Variants in ATPSCKMT observed in about 807,000 individuals in gnomAD.
The protein encoded by ATPSCKMT is ATP synthase c subunit lysine N-methyltransferase.
In ATPSCKMT, 24 loss-of-function variants were observed where a neutral mutation model predicts 24.3. That is an observed-to-expected ratio of 0.99 (90% CI 0.71 to 1.39). The LOEUF (loss-of-function observed/expected upper bound fraction) is 1.39. Among genes scored for constraint, ATPSCKMT ranks in the 40% most tolerant of loss-of-function variants. The pLI, the probability that ATPSCKMT is intolerant of heterozygous loss-of-function variation, is 0.00. For synonymous variants in ATPSCKMT, 95 were observed against 110.5 expected (o/e 0.86, Z 0.88); for missense variants, 311 against 298.4 (o/e 1.04, Z -0.31).
intron 4 of ATPSCKMT, among the ~76,000 whole-genome samples, chr5:10,228,964 T>C (rs937969279): frequency 1.3e-5 from 2 of 152,174 alleles, no homozygotes; most frequent in Non-Finnish European, 2.9e-5. Context: ...TTTGTCACAT[T>C]TGTTCTCTTC....
Position 10,227,081 on chromosome 5 carries a change from T to C in ATPSCKMT, c.*360A>G, listed in dbSNP as rs556160002. On this transcript the variant is annotated 3_prime_UTR_variant, in exon 5 of 5. Coordinates refer to ENST00000511437, the MANE Select transcript of ATPSCKMT (RefSeq NM_199133.4). ...ATAGGATACTACAAACAGTTGGTAATATATACTGTCTTTAAAAATCATTTC... is the reference window on the plus strand; with the variant it reads ...ATAGGATACTACAAACAGTTGGTAACATATACTGTCTTTAAAAATCATTTC... 8.3e-6 allele frequency: 2 copies of C among 242,014 alleles called. No individual in the cohort carries two copies. Among genetic ancestry groups the C allele is most frequent in the South Asian group, 1.1e-4 (2 of 18,552 alleles). 15.0% of individuals were successfully genotyped at this position (242,014 alleles called of 1,614,324 possible). A position where few individuals can be genotyped will look rare whatever the true frequency, so the allele number is the denominator to read the frequency against.
rs372557557 is a variant in ATPSCKMT at position 10,236,559 on chromosome 5, C to A, written c.363G>T (p.Trp121Cys). The A allele has an allele frequency of 1.2e-6, 2 of 1,614,066 alleles. No homozygotes were observed. The highest frequency in any genetic ancestry group is 1.3e-5 in the African/African-American group (1 of 74,932). The change falls in exon 3 of 5, where the codon TGG becomes TGT. Residue 121 changes from tryptophan to cysteine, a missense_variant. Trp to Cys is a radical substitution (Grantham distance 215). Coordinates refer to ENST00000511437, the MANE Select transcript of ATPSCKMT (RefSeq NM_199133.4). ...FTAVGYELNP[W>C]LVWYSRYRAW... is the part of the protein sequence containing the mutation. ...CGCGGTATCTGGAATACCAAACTAG[C>A]CATGGGTTTAATTCATAACCAACTG...
chr5:10,247,837 TTAG>T lies in ATPSCKMT; in HGVS notation c.16+2018_16+2020del, dbSNP rs1408500315. Among the ~76,000 whole-genome samples the T allele has an allele frequency of 3.3e-5, 5 of 152,340 alleles. No individual in the cohort carries two copies. The East Asian group carries it at 7.7e-4, about 23-fold the overall frequency. On this transcript the variant is annotated intron_variant, in intron 1 of 4. Coordinates refer to ENST00000511437, the MANE Select transcript of ATPSCKMT (RefSeq NM_199133.4). ...GCCACTGGCTACTTTCATTGAGCAC[TTAG>T]TAGTCCATCCTTTAAAGTCAAACAC...
intron 4 of ATPSCKMT, among the ~76,000 whole-genome samples, chr5:10,228,081 G>T (rs557286748): frequency 5.1e-4 from 78 of 152,326 alleles, no homozygotes; most frequent in Non-Finnish European, 8.8e-4. Flanking sequence ...CTGGGCTCAA[G>T]CAATCTGCCC....
intron 1 of ATPSCKMT, among the ~76,000 whole-genome samples, chr5:10,244,924 A>C (rs1012695358): frequency 2.0e-5 from 3 of 147,564 alleles, no homozygotes; most frequent in African/African-American, 7.4e-5. Flanking sequence ...AAAAAAAAAA[A>C]GAAAAGTCAA....
intron 4 of ATPSCKMT, among the ~76,000 whole-genome samples, chr5:10,228,379 C>T (rs1308887747): frequency 2.6e-5 from 4 of 152,152 alleles, no homozygotes; most frequent in Middle Eastern, 3.2e-3. Flanking sequence ...CCATAATATA[C>T]TGATAATGAA....
chr5:10,237,758 T>C (rs1744439591), intron 2 of ATPSCKMT, among the ~76,000 whole-genome samples: 3 of 151,904 alleles, frequency 2.0e-5, no homozygotes, highest in Non-Finnish European at 4.4e-5. Flanking sequence ...ATATTTCTTT[T>C]TTTTTTGAGA....
chr5:10,235,402 C>G (rs968800077), intron 3 of ATPSCKMT, 141 bp from the exon 4 acceptor site: 1 of 668,632 alleles, frequency 1.5e-6, no homozygotes, highest in Non-Finnish European at 2.7e-6. Flanking sequence ...AGCGGCCCTC[C>G]TTAAGATTTC....
rs1743920360 is a variant in ATPSCKMT, at chr5:10,227,265, C to T, written c.*176G>A. ...ATTTTTAAGAAAATAGCATCAAAAG[C>T]AGATTTTAAATCTACCTGTTTTTCT... On this transcript the variant is annotated 3_prime_UTR_variant, in exon 5 of 5. Transcript: ENST00000511437. 1 of 664,864 alleles carries T rather than the reference C, an allele frequency of 1.5e-6. No individual in the cohort carries two copies. Among genetic ancestry groups the T allele is most frequent in the Non-Finnish European group, 2.5e-6 (1 of 401,884 alleles). 41.2% of individuals were successfully genotyped at this position (664,864 alleles called of 1,614,324 possible). A position where few individuals can be genotyped will look rare whatever the true frequency, so the allele number is the denominator to read the frequency against.
chr5:10,235,239 T>C lies in ATPSCKMT; in HGVS notation c.467A>G (p.Asn156Ser). 1.9e-6 allele frequency: 3 copies of C among 1,613,580 alleles called. No individual in the cohort carries two copies. The highest frequency in any genetic ancestry group is 1.7e-6 in the Non-Finnish European group (2 of 1,179,692). ...LWKVTFSQYS[N>S]VVIFGVPQMM... is the part of the protein sequence containing the mutation. ...CTGAGGCACACCGAAAATAACAACGTTCGAGTACTGCGAAAAAGTAACCTG... is the reference window on the plus strand; with the variant it reads ...CTGAGGCACACCGAAAATAACAACGCTCGAGTACTGCGAAAAAGTAACCTG... The change falls in exon 4 of 5, where the codon AAC becomes AGC. Residue 156 changes from asparagine (N) to serine (S), a missense_variant. Asn to Ser is a conservative substitution (Grantham distance 46). Transcript: ENST00000511437.
At chr5:10,236,375 A>T in intron 3 of ATPSCKMT, 103 bp downstream of exon 3, 1 of 1,329,490 alleles carries the variant, frequency 7.5e-7, no homozygotes, top group Non-Finnish European at 1.0e-6. Flanking sequence ...CTTGGATTTT[A>T]ATTATTTTTC....
At chr5:10,230,673 A>T (rs1744088731) in intron 4 of ATPSCKMT, among the ~76,000 whole-genome samples, 1 of 152,160 alleles carries the variant, frequency 6.6e-6, no homozygotes, top group South Asian at 2.1e-4. Flanking sequence ...AATTACATCT[A>T]CAAAACTTTA....
rs771592677 is a variant in ATPSCKMT, at chr5:10,236,462, T to C, written c.444+16A>G. 4 of 1,611,848 alleles carry C rather than the reference T, an allele frequency of 2.5e-6. No individual in the cohort carries two copies. The South Asian group carries it at 4.4e-5, about 18-fold the overall frequency. On this transcript the variant is annotated intron_variant, in intron 3 of 4. Coordinates refer to ENST00000511437, the MANE Select transcript of ATPSCKMT (RefSeq NM_199133.4). Reference sequence around the variant, plus strand: ...TTCCCTTGGATTTCTCTAGGGCCATTCTCTGCCTTACATACCTTCCACAAA... The same window carrying C: ...TTCCCTTGGATTTCTCTAGGGCCATCCTCTGCCTTACATACCTTCCACAAA...
intron 3 of ATPSCKMT, 48 bp downstream of exon 3, chr5:10,236,430 T>C: frequency 3.8e-6 from 6 of 1,575,368 alleles, no homozygotes; most frequent in Non-Finnish European, 5.2e-6. Context: ...TTTTGAATAA[T>C]AAAATTTTCC....
intron 3 of ATPSCKMT, among the ~76,000 whole-genome samples, chr5:10,235,775 A>G (rs1474065398): frequency 1.3e-5 from 2 of 152,198 alleles, no homozygotes; most frequent in Non-Finnish European, 2.9e-5. Flanking sequence ...TTTAGTTGAA[A>G]AACTGGGGGG....
At chr5:10,228,656 A>G (rs908402984) in intron 4 of ATPSCKMT, among the ~76,000 whole-genome samples, 1 of 152,200 alleles carries the variant, frequency 6.6e-6, no homozygotes, top group Non-Finnish European at 1.5e-5. Flanking sequence ...AACAGAACAA[A>G]GAACTCCTGT....
At chr5:10,241,092 G>A (rs1220705449) in intron 1 of ATPSCKMT, among the ~76,000 whole-genome samples, 1 of 152,010 alleles carries the variant, frequency 6.6e-6, no homozygotes, top group South Asian at 2.1e-4. Flanking sequence ...TCCTTCTGGG[G>A]GCCCTCGGGC....
chr5:10,242,954 CT>C (rs1295309931), intron 1 of ATPSCKMT, among the ~76,000 whole-genome samples: 3 of 152,176 alleles, frequency 2.0e-5, no homozygotes, highest in African/African-American at 4.8e-5. Flanking sequence ...AAAAATCATG[CT>C]GTAAAGAAAG....
intron 4 of ATPSCKMT, among the ~76,000 whole-genome samples, chr5:10,228,971 C>A (rs907209734): frequency 6.6e-6 from 1 of 152,196 alleles, no homozygotes; most frequent in Non-Finnish European, 1.5e-5. Context: ...CATTTGTTCT[C>A]TTCCTCTCTT....
Sources: gnomAD v4.1 joint callset for allele counts (sites outside exome capture counted in the v4.1 genomes callset) on GRCh38, gnomAD v4.1.1 for gene constraint, MANE v1.5 for transcripts, NCBI Gene and HGNC (gene_info 2026-07-23, HGNC 2026-07-21) for gene names.